SLCO2A1: variants seen among roughly 807,000 people sequenced by gnomAD.
SLCO2A1 encodes matrin F/G 1.
A neutral mutation model predicts 71.7 loss-of-function variants in SLCO2A1; 60 were observed. That is an observed-to-expected ratio of 0.84 (90% confidence interval 0.68 to 1.04). SLCO2A1 has a LOEUF of 1.04. SLCO2A1 is among the 50% of genes least tolerant of loss of function. SLCO2A1 has a pLI of 0.00. For synonymous variants in SLCO2A1, 308 were observed against 326.7 expected (o/e 0.94, Z 0.62); for missense variants, 745 against 813.4 (o/e 0.92, Z 1.02).
chr3:133,949,399 CCT>C (rs1933677521), intron 6 of SLCO2A1, among the ~76,000 whole-genome samples: 1 of 152,018 alleles, frequency 6.6e-6, no homozygotes, highest in Admixed American at 6.6e-5. Context: ...CCGTCCTCCC[CCT>C]TTCTATCTCC....
chr3:133,959,823 A>T (rs1032836979), intron 3 of SLCO2A1, among the ~76,000 whole-genome samples: 1 of 151,996 alleles, frequency 6.6e-6, no homozygotes, highest in Non-Finnish European at 1.5e-5. Context: ...GTCTCAAAAA[A>T]AAATAAATAC....
chr3:134,017,396 C>T (rs1935477250), intron 1 of SLCO2A1, among the ~76,000 whole-genome samples: 1 of 152,174 alleles, frequency 6.6e-6, no homozygotes, highest in South Asian at 2.1e-4. Context: ...TATGGTGGCT[C>T]ATGAGGCCCC....
At chr3:133,942,028 C>CT (rs1933436581) in intron 11 of SLCO2A1, among the ~76,000 whole-genome samples, 1 of 152,192 alleles carries the variant, frequency 6.6e-6, no homozygotes, top group South Asian at 2.1e-4. Flanking sequence ...GAGTCTCACT[C>CT]TGTCACCCAG....
intron 1 of SLCO2A1, among the ~76,000 whole-genome samples, chr3:134,002,195 G>A (rs1031054902): frequency 6.6e-6 from 1 of 152,188 alleles, no homozygotes; most frequent in Admixed American, 6.5e-5. Flanking sequence ...ACTCAGCCTA[G>A]CACAGCAAGC....
chr3:133,959,411 A>G (rs1182141825), intron 3 of SLCO2A1, among the ~76,000 whole-genome samples: 6 of 151,840 alleles, frequency 4.0e-5, no homozygotes, highest in Non-Finnish European at 7.4e-5. Flanking sequence ...AAAAAAAAAA[A>G]CAGAAAACGA....
intron 10 of SLCO2A1, among the ~76,000 whole-genome samples, 155 bp from the exon 11 acceptor site, chr3:133,942,923 A>C (rs1933467068): frequency 6.6e-6 from 1 of 152,166 alleles, no homozygotes; most frequent in Non-Finnish European, 1.5e-5. Flanking sequence ...GCCTGGGGCC[A>C]GGTGAGGGTT....
Position 133,980,594 on chromosome 3 carries a change from G to A in SLCO2A1, c.97-976C>T, listed in dbSNP as rs185213487. 1.7e-4 allele frequency among the ~76,000 whole-genome samples: 26 copies of A among 152,366 alleles called. No individual in the cohort carries two copies. The East Asian group carries it at 3.9e-3, about 23-fold the overall frequency. On this transcript the variant is annotated intron_variant, in intron 1 of 13. Coordinates refer to ENST00000310926, the MANE Select transcript of SLCO2A1 (RefSeq NM_005630.3). The stretch of plus-strand genomic sequence containing the variant: ...GGTTTTCCTCCAGGGAAGGGTGAGT[G>A]CTGTGCCATTTCACAGTCTTCCAAA...
chr3:133,977,580 A>G (rs1366476886), intron 2 of SLCO2A1, among the ~76,000 whole-genome samples: 1 of 152,174 alleles, frequency 6.6e-6, no homozygotes, highest in Non-Finnish European at 1.5e-5. Context: ...TCTGACTTTG[A>G]TTAGTAGCAA....
intron 10 of SLCO2A1, 136 bp from the exon 11 acceptor site, chr3:133,942,904 G>A (rs1933466508): frequency 1.1e-6 from 1 of 923,312 alleles, no homozygotes; most frequent in Admixed American, 3.5e-5. Flanking sequence ...TCCCAGGGAA[G>A]CTGGGTGAGC....
Position 133,947,359 on chromosome 3 carries a change from G to C in SLCO2A1, c.1192C>G (p.Pro398Ala). The change falls in exon 9 of 14, where the codon CCC becomes GCC. Residue 398 changes from proline (P) to alanine (A), a missense_variant. Coordinates refer to ENST00000310926, the MANE Select transcript of SLCO2A1 (RefSeq NM_005630.3). ...KRFVFSLQAI[P>A]RIATTIITIS... Reference sequence around the variant, plus strand: ...GTGATGATGGTGGTAGCTATGCGGGGAATGGCTTGTAGAGAGAAAACAAAG... The same window carrying C: ...GTGATGATGGTGGTAGCTATGCGGGCAATGGCTTGTAGAGAGAAAACAAAG... 2 of 1,614,124 alleles carry C rather than the reference G, an allele frequency of 1.2e-6. No homozygotes were observed. The highest frequency in any genetic ancestry group is 2.2e-5 in the South Asian group (2 of 91,078).
intron 1 of SLCO2A1, among the ~76,000 whole-genome samples, chr3:134,011,164 C>T (rs1038959535): frequency 1.3e-5 from 2 of 152,202 alleles, no homozygotes; most frequent in African/African-American, 4.8e-5. Flanking sequence ...AGCTCTCCTG[C>T]CTCAGCCTCC....
rs1201035193 is a variant in SLCO2A1, at chr3:133,947,249, C to A, written c.1295+7G>T. On this transcript the variant is annotated splice_region_variant and intron_variant, in intron 9 of 13. Coordinates refer to ENST00000310926, the MANE Select transcript of SLCO2A1 (RefSeq NM_005630.3). ...AAGGGGATCTCTCTACCCCTTATTC[C>A]CATTACCTAGGGGGGTAGACTTCGG... 1 of 1,612,592 alleles carries A rather than the reference C, an allele frequency of 6.2e-7. No homozygotes were observed. Among genetic ancestry groups the A allele is most frequent in the African/African-American group, 1.3e-5 (1 of 74,880 alleles).
chr3:133,959,040 C>T (rs1933967827), intron 3 of SLCO2A1, among the ~76,000 whole-genome samples: 1 of 152,156 alleles, frequency 6.6e-6, no homozygotes, highest in African/African-American at 2.4e-5. Flanking sequence ...GCCTCTGTTC[C>T]CAGTTCAGCC....
chr3:133,984,264 G>A (rs1440711226), intron 1 of SLCO2A1, among the ~76,000 whole-genome samples: 1 of 152,122 alleles, frequency 6.6e-6, no homozygotes, highest in East Asian at 1.9e-4. Flanking sequence ...CGTGCTACTG[G>A]GTGAAAGACT....
At chr3:133,957,077 T>C (rs1933914870) in intron 3 of SLCO2A1, among the ~76,000 whole-genome samples, 1 of 152,234 alleles carries the variant, frequency 6.6e-6, no homozygotes, top group African/African-American at 2.4e-5. Flanking sequence ...CCCATTCCCA[T>C]TGCCCTTCTT....
At position 133,988,839 on chromosome 3, in the gene SLCO2A1, A is replaced by G. The variant is rs147927690; in HGVS notation, c.97-9221T>C. 3.2e-3 allele frequency among the ~76,000 whole-genome samples: 488 copies of G among 152,350 alleles called. 9 individuals are homozygous for G. Among genetic ancestry groups the G allele is most frequent in the African/African-American group, 0.011 (469 of 41,586 alleles). ...GACAGGTGGGAACACGTGAGACAGG[A>G]GAACAGAGTCTGGAGACAAGGAACT... On this transcript the variant is annotated intron_variant, in intron 1 of 13. Transcript: ENST00000310926.
intron 1 of SLCO2A1, among the ~76,000 whole-genome samples, chr3:133,990,857 C>A (rs1934824114): frequency 6.6e-6 from 1 of 152,076 alleles, no homozygotes; most frequent in African/African-American, 2.4e-5. Context: ...CTGCTGTAAT[C>A]CCAGCACTTT....
intron 6 of SLCO2A1, 74 bp downstream of exon 6, chr3:133,951,134 C>T (rs770793421): frequency 1.9e-6 from 3 of 1,588,732 alleles, no homozygotes; most frequent in Non-Finnish European, 2.6e-6. Flanking sequence ...AGCTTTTTAG[C>T]TCTATTTATT....
chr3:133,945,724 G>A (rs1933557722), intron 9 of SLCO2A1, among the ~76,000 whole-genome samples: 1 of 152,138 alleles, frequency 6.6e-6, no homozygotes, highest in South Asian at 2.1e-4. Flanking sequence ...CCATCCCCTT[G>A]AGCTTCAACC....
Sources: gnomAD v4.1 joint callset for allele counts (sites outside exome capture counted in the v4.1 genomes callset) on GRCh38, gnomAD v4.1.1 for gene constraint, MANE v1.5 for transcripts, NCBI Gene and HGNC (gene_info 2026-07-23, HGNC 2026-07-21) for gene names.